Variants in DDX6 observed in about 807,000 individuals in gnomAD.
The protein encoded by DDX6 is probable ATP-dependent RNA helicase DDX6.
In DDX6, 7 loss-of-function variants were observed where a neutral mutation model predicts 60.6. The ratio of observed to expected loss-of-function variants is 0.12; its 90% confidence interval spans 0.07 to 0.22. The LOEUF (loss-of-function observed/expected upper bound fraction) is 0.22, where lower values mean the gene tolerates loss of function less well. Ranked by LOEUF, DDX6 falls within the 10% of genes least tolerant of loss-of-function variation. The pLI is 1.00. For synonymous variants in DDX6, 207 were observed against 201.0 expected (o/e 1.03, Z -0.25); for missense variants, 270 against 589.9 (o/e 0.46, Z 5.62).
At chr11:118,758,953 G>C in intron 8 of DDX6, 51 bp from the exon 9 acceptor site, 1 of 1,606,358 alleles carries the variant, frequency 6.2e-7, no homozygotes, top group Admixed American at 1.7e-5. Flanking sequence ...TGAAAGCAGA[G>C]TTCATCTCAA....
At chr11:118,781,227 A>G (rs782501104) in intron 2 of DDX6, 43 bp from the exon 3 acceptor site, 2 of 1,254,388 alleles carry the variant, frequency 1.6e-6, no homozygotes, top group East Asian at 4.8e-5. Flanking sequence ...AATTCATAGC[A>G]TCCTAACAAA....
chr11:118,755,404 G>T lies in DDX6; in HGVS notation c.1274C>A (p.Ser425Ter). The part of the protein sequence containing the change: ...AETYLHRIGR[S>*]GRFGHLGLAI... ...AATATCACCTCTTTTTTCCTCACCT[G>T]ATCTTCCAATACGATGGAGATAGGT... Residue 425 changes from serine to a stop codon, truncating the protein, a stop_gained and splice_region_variant, in exon 12 of 14, where the codon TCA (serine) becomes TAA (stop). Coordinates refer to ENST00000534980, the MANE Select transcript of DDX6 (RefSeq NM_004397.6). LOFTEE classifies it high-confidence loss of function. 2 of 1,588,446 alleles carry T rather than the reference G, an allele frequency of 1.3e-6. No individual in the cohort carries two copies. Among genetic ancestry groups the T allele is most frequent in the Non-Finnish European group, 8.6e-7 (1 of 1,160,082 alleles).
chr11:118,764,821 T>TATACACAC (rs143249039), intron 6 of DDX6, among the ~76,000 whole-genome samples: 1 of 139,000 alleles, frequency 7.2e-6, no homozygotes, highest in Non-Finnish European at 1.5e-5. Context: ...AAAAAAAATA[T>TATACACAC]ACACACACAC....
At chr11:118,780,322 C>T (rs1861852726) in intron 3 of DDX6, among the ~76,000 whole-genome samples, 1 of 151,842 alleles carries the variant, frequency 6.6e-6, no homozygotes, top group Non-Finnish European at 1.5e-5. Flanking sequence ...TCATAGCCTT[C>T]TTTTTTTCTT....
intron 5 of DDX6, among the ~76,000 whole-genome samples, chr11:118,766,602 C>T (rs1555161324): frequency 1.3e-5 from 2 of 151,862 alleles, no homozygotes; most frequent in Non-Finnish European, 2.9e-5. Flanking sequence ...TCTTCCTCTT[C>T]TTTTTTTTGA....
chr11:118,779,530 G>C (rs1375191303), intron 4 of DDX6, 102 bp downstream of exon 4: 2 of 708,630 alleles, frequency 2.8e-6, no homozygotes, highest in East Asian at 5.8e-5. Flanking sequence ...GTATACGTGA[G>C]AGAGAAATGT....
At chr11:118,763,407 C>T (rs1243124897) in intron 6 of DDX6, 101 bp from the exon 7 acceptor site, 18 of 882,888 alleles carry the variant, frequency 2.0e-5, no homozygotes, top group Non-Finnish European at 3.3e-5. Context: ...AATGATAATT[C>T]TGAGAAATGC....
At chr11:118,755,854 A>C (rs782455037) in intron 11 of DDX6, among the ~76,000 whole-genome samples, 5 of 152,130 alleles carry the variant, frequency 3.3e-5, no homozygotes, top group Non-Finnish European at 4.4e-5. Flanking sequence ...GTCTCTACCA[A>C]AAATACAAAA....
chr11:118,775,264 C>A (rs1341548317), intron 4 of DDX6, among the ~76,000 whole-genome samples: 1 of 152,040 alleles, frequency 6.6e-6, no homozygotes, highest in Non-Finnish European at 1.5e-5. Context: ...TGCAGTAAGC[C>A]GAGAGCACAC....
In DDX6 at chr11:118,774,736, C is replaced by T. The variant is rs146197783; in HGVS notation, c.369+4896G>A. 3.1e-3 allele frequency among the ~76,000 whole-genome samples: 473 copies of T among 152,184 alleles called. 3 individuals carry two copies. Among genetic ancestry groups the T allele is most frequent in the African/African-American group, 0.01 (429 of 41,514 alleles). On this transcript the variant is annotated intron_variant, in intron 4 of 13. Transcript: ENST00000534980. The stretch of plus-strand genomic sequence containing the variant: ...ACTGCACCCAGCCAATTCTCCAAAT[C>T]TCACAGCCAAACTGCAACTAAATTC...
intron 6 of DDX6, among the ~76,000 whole-genome samples, chr11:118,764,368 A>G (rs914098232): frequency 1.3e-5 from 2 of 152,130 alleles, no homozygotes; most frequent in Admixed American, 1.3e-4. Flanking sequence ...TCCTATTCAG[A>G]TTATACCTTA....
chr11:118,788,303 T>TG (rs1862147028), intron 1 of DDX6: 1 of 150,722 alleles, frequency 6.6e-6, no homozygotes, highest in Non-Finnish European at 1.5e-5. Flanking sequence ...TACTCTGACT[T>TG]AAAAACAAAC....
chr11:118,774,171 G>A (rs1861624437), intron 4 of DDX6, among the ~76,000 whole-genome samples: 1 of 152,142 alleles, frequency 6.6e-6, no homozygotes, highest in African/African-American at 2.4e-5. Flanking sequence ...TAGAAGCAAC[G>A]AGAGAGGCCA....
intron 2 of DDX6, 112 bp from the exon 3 acceptor site, chr11:118,781,296 C>T (rs981885886): frequency 3.0e-5 from 19 of 633,136 alleles, no homozygotes; most frequent in Non-Finnish European, 3.9e-5. Flanking sequence ...TAATATATTC[C>T]ATTTAATATA....
intron 1 of DDX6, 106 bp from the exon 2 acceptor site, chr11:118,786,624 T>C (rs1591928907): frequency 5.3e-6 from 1 of 186,950 alleles, no homozygotes; most frequent in Admixed American, 6.1e-5. Context: ...ATTAAAGAAT[T>C]AATAATACAG....
intron 2 of DDX6, among the ~76,000 whole-genome samples, chr11:118,784,087 C>A (rs1444438800): frequency 6.1e-3 from 786 of 128,298 alleles, no homozygotes; most frequent in Middle Eastern, 7.7e-3. Flanking sequence ...GACCCTGTCT[C>A]AAAAAAAAAA....
At chr11:118,781,321 TAAAC>T (rs1861892334) in intron 2 of DDX6, 137 bp from the exon 3 acceptor site, 6 of 588,064 alleles carry the variant, frequency 1.0e-5, no homozygotes, top group South Asian at 9.4e-5. Context: ...ACAAGATAAT[TAAAC>T]AACTTTAGAA....
chr11:118,779,548 C>T (rs1480739820), intron 4 of DDX6, 84 bp downstream of exon 4: 2 of 825,258 alleles, frequency 2.4e-6, no homozygotes, highest in African/African-American at 1.7e-5. Context: ...TGTTAGTTCA[C>T]TGTATCACTT....
intron 7 of DDX6, 98 bp downstream of exon 7, chr11:118,763,114 G>T: frequency 1.3e-6 from 1 of 755,274 alleles, no homozygotes; most frequent in Non-Finnish European, 2.1e-6. Context: ...GTGTTTATTA[G>T]ATCATAAACA....
Sources: gnomAD v4.1 joint callset for allele counts (sites outside exome capture counted in the v4.1 genomes callset) on GRCh38, gnomAD v4.1.1 for gene constraint, MANE v1.5 for transcripts, NCBI Gene and HGNC (gene_info 2026-07-23, HGNC 2026-07-21) for gene names.